PSMA2: variants seen among roughly 807,000 people sequenced by gnomAD.
PSMA2 encodes proteasome 20S subunit alpha 2.
In PSMA2, 2 loss-of-function variants were observed where a neutral mutation model predicts 35.9. The ratio of observed to expected loss-of-function variants is 0.06; its 90% CI spans 0.02 to 0.18. PSMA2 has a LOEUF of 0.18. Among genes scored for constraint, PSMA2 ranks in the 10% least tolerant of loss-of-function variants. PSMA2 has a pLI of 1.00. For missense variants in PSMA2, 126 were observed against 278.8 expected (o/e 0.45, Z 3.90); for synonymous variants, 97 against 98.2 (o/e 0.99, Z 0.07).
At chr7:42,930,746 G>A (rs617821) in intron 1 of PSMA2, among the ~76,000 whole-genome samples, 123,263 of 151,342 alleles carry the variant, frequency 0.81, 50,874 homozygotes, top group South Asian at 0.91. Flanking sequence ...CACACCTCTA[G>A]TCCCAGCTAC....
intron 6 of PSMA2, chr7:42,919,494 T>C (rs1786089907): frequency 1.9e-6 from 1 of 522,328 alleles, no homozygotes. Context: ...AAAGGCCCTA[T>C]GGTACAGTGA....
intron 6 of PSMA2, chr7:42,921,009 G>A (rs1033268677): frequency 2.0e-5 from 3 of 152,126 alleles, no homozygotes; most frequent in African/African-American, 7.2e-5. Flanking sequence ...AAGGGAGAAG[G>A]GAAGAAGAAC....
intron 1 of PSMA2, 39 bp downstream of exon 1, chr7:42,932,079 C>T (rs757313343): frequency 3.7e-6 from 6 of 1,613,594 alleles, no homozygotes; most frequent in Middle Eastern, 1.6e-4. Context: ...GTACCAGCAA[C>T]CTCGACTACG....
chr7:42,921,995 C>A, intron 5 of PSMA2, 64 bp from the exon 6 acceptor site: 9 of 1,257,436 alleles, frequency 7.2e-6, no homozygotes, highest in Non-Finnish European at 7.9e-6. Flanking sequence ...TATTGCCCTG[C>A]CATTTAATTT....
In PSMA2 at chr7:42,923,314, A is replaced by G. The variant is rs1786156156; in HGVS notation, c.456+11T>C. 1 of 1,579,532 alleles carries G rather than the reference A, an allele frequency of 6.3e-7. No individual in the cohort carries two copies. Among genetic ancestry groups the G allele is most frequent in the Admixed American group, 1.7e-5 (1 of 59,774 alleles). On this transcript the variant is annotated intron_variant, in intron 5 of 7. Coordinates refer to ENST00000223321, the MANE Select transcript of PSMA2 (RefSeq NM_002787.5). ...TTAACAAATCCCTCAAATACATTAA[A>G]TGATACTTACAGATGGATCTGACTG...
At chr7:42,923,607 A>AT (rs1286987531) in intron 4 of PSMA2, among the ~76,000 whole-genome samples, 1 of 152,266 alleles carries the variant, frequency 6.6e-6, no homozygotes, top group Non-Finnish European at 1.5e-5. Flanking sequence ...TGGTAGCCAA[A>AT]TAAAAAAAAA....
intron 6 of PSMA2, chr7:42,919,430 G>C (rs888575623): frequency 1.8e-6 from 1 of 549,530 alleles, no homozygotes; most frequent in South Asian, 1.5e-5. Flanking sequence ...TATATGACTT[G>C]AACAAACCCG....
chr7:42,928,605 T>C (rs1439446540), intron 1 of PSMA2, among the ~76,000 whole-genome samples: 1 of 152,238 alleles, frequency 6.6e-6, no homozygotes, highest in Non-Finnish European at 1.5e-5. Flanking sequence ...ATTTCATAGA[T>C]AAAGTCTGAG....
At chr7:42,925,704 C>G (rs1786201737) in intron 3 of PSMA2, among the ~76,000 whole-genome samples, 1 of 152,204 alleles carries the variant, frequency 6.6e-6, no homozygotes, top group African/African-American at 2.4e-5. Flanking sequence ...TACTACTGAT[C>G]TGAAATATGC....
At position 42,926,608 on chromosome 7, in the gene PSMA2, C is replaced by T. The variant is rs750906250; in HGVS notation, c.179G>A (p.Arg60Gln). 12 of 1,612,272 alleles carry T rather than the reference C, an allele frequency of 7.4e-6. No individual in the cohort carries two copies. The highest frequency in any genetic ancestry group is 6.7e-5 in the East Asian group (3 of 44,766). Reference sequence around the variant, plus strand: ...AATTGGTTCTACTTTGTGTACACTTCGCTCATCATACAGAATGGATTTCTG... The same window carrying T: ...AATTGGTTCTACTTTGTGTACACTTTGCTCATCATACAGAATGGATTTCTG... ...KKQKSILYDE[R>Q]SVHKVEPITK... The change falls in exon 3 of 8, where the codon CGA becomes CAA. Residue 60 changes from arginine (R) to glutamine (Q), a missense_variant. By Grantham distance (43) the Arg-to-Gln change is conservative. Coordinates refer to ENST00000223321, the MANE Select transcript of PSMA2 (RefSeq NM_002787.5).
intron 6 of PSMA2, chr7:42,919,446 G>A (rs1334638250): frequency 1.8e-6 from 1 of 540,910 alleles, no homozygotes; most frequent in Non-Finnish European, 3.7e-6. Context: ...ACCCGAAGCA[G>A]AACCTGAGGA....
At position 42,921,838 on chromosome 7, in the gene PSMA2, G is replaced by C. The variant is rs1786133567; in HGVS notation, c.530+20C>G. On this transcript the variant is annotated intron_variant, in intron 6 of 7. Coordinates refer to ENST00000223321, the MANE Select transcript of PSMA2 (RefSeq NM_002787.5). ...TAAAGTGAGTTTGCTAAAGAATGCA[G>C]TTACAATGAGTAGGCCTACCTTTTC... 1.9e-6 allele frequency: 3 copies of C among 1,598,770 alleles called. No individual in the cohort carries two copies. The highest frequency in any genetic ancestry group is 1.1e-5 in the South Asian group (1 of 89,422).
Position 42,928,130 on chromosome 7 carries a change from C to G in PSMA2, c.42-671G>C, listed in dbSNP as rs78208631. ...TGGTTTTCCGTATCAGTGGATTCCA[C>G]AGGGCTGACTACAGGACTTGAATAC... On this transcript the variant is annotated intron_variant, in intron 1 of 7. Transcript: ENST00000223321. Among the ~76,000 whole-genome samples, 837 of 152,308 alleles carry G rather than the reference C, an allele frequency of 5.5e-3. 4 individuals are homozygous for G. Among genetic ancestry groups the G allele is most frequent in the Non-Finnish European group, 0.01 (695 of 68,040 alleles).
chr7:42,922,875 T>C (rs569306324), intron 5 of PSMA2, among the ~76,000 whole-genome samples: 18 of 152,332 alleles, frequency 1.2e-4, no homozygotes, highest in Non-Finnish European at 2.5e-4. Flanking sequence ...GCAGACAACT[T>C]ACCCAAGGTA....
intron 6 of PSMA2, chr7:42,919,270 G>A: frequency 3.2e-6 from 2 of 615,776 alleles, no homozygotes; most frequent in Non-Finnish European, 3.2e-6. Flanking sequence ...CACCAAAGCA[G>A]CCACAGCAGC....
chr7:42,924,043 T>C (rs544330480), intron 4 of PSMA2, among the ~76,000 whole-genome samples: 1 of 152,270 alleles, frequency 6.6e-6, no homozygotes, highest in African/African-American at 2.4e-5. Context: ...GTGCTTACCA[T>C]CATTTCTGGT....
intron 6 of PSMA2, chr7:42,919,705 C>A: frequency 3.5e-6 from 2 of 566,440 alleles, no homozygotes; most frequent in South Asian, 1.7e-5. Flanking sequence ...TAAATCCTTT[C>A]AAGCTCCTGC....
At chr7:42,921,178 G>A (rs1477908059) in intron 6 of PSMA2, 1 of 152,208 alleles carries the variant, frequency 6.6e-6, no homozygotes, top group African/African-American at 2.4e-5. Context: ...AAAGACAGAT[G>A]TTTGAGGTAA....
chr7:42,919,673 G>C (rs1192838555), intron 6 of PSMA2: 1 of 556,890 alleles, frequency 1.8e-6, no homozygotes, highest in Non-Finnish European at 3.4e-6. Context: ...GCTTTTGACA[G>C]TACAGTAAGT....
Sources: gnomAD v4.1 joint callset for allele counts (sites outside exome capture counted in the v4.1 genomes callset) on GRCh38, gnomAD v4.1.1 for gene constraint, MANE v1.5 for transcripts, NCBI Gene and HGNC (gene_info 2026-07-23, HGNC 2026-07-21) for gene names.